Variants in RALGAPA1 observed in about 807,000 individuals in gnomAD.
RALGAPA1 encodes the protein Ral GTPase activating protein catalytic subunit alpha 1.
Under a neutral mutation model 269.6 loss-of-function variants are expected in RALGAPA1, and 52 were observed. That is an observed-to-expected ratio of 0.19 (90% CI 0.15 to 0.24). The LOEUF is 0.24. RALGAPA1 is among the 10% of genes least tolerant of loss of function. The pLI is 1.00. For missense variants in RALGAPA1, 1,917 were observed against 3,013.9 expected (o/e 0.64, Z 8.52); for synonymous variants, 817 against 1,008.3 (o/e 0.81, Z 3.60).
At chr14:35,571,036 C>T (rs1013002468) in intron 38 of RALGAPA1, among the ~76,000 whole-genome samples, 3 of 152,232 alleles carry the variant, frequency 2.0e-5, no homozygotes, top group Non-Finnish European at 4.4e-5. Context: ...CAATTGTATA[C>T]AAAAAGCCAA....
At chr14:35,740,373 G>T (rs1489472832) in intron 11 of RALGAPA1, among the ~76,000 whole-genome samples, 1 of 152,140 alleles carries the variant, frequency 6.6e-6, no homozygotes, top group African/African-American at 2.4e-5. Flanking sequence ...ATAAATAAAA[G>T]ATACCACTGG....
intron 7 of RALGAPA1, among the ~76,000 whole-genome samples, chr14:35,752,753 G>A (rs1342718563): frequency 6.6e-6 from 1 of 152,110 alleles, no homozygotes; most frequent in African/African-American, 2.4e-5. Flanking sequence ...GCCCAGAGTG[G>A]GGTACTGGAA....
intron 37 of RALGAPA1, among the ~76,000 whole-genome samples, chr14:35,576,849 A>C (rs2057597549): frequency 6.6e-6 from 1 of 152,002 alleles, no homozygotes; most frequent in Admixed American, 6.6e-5. Context: ...TACTGTAACC[A>C]CCTCCCTATA....
intron 24 of RALGAPA1, among the ~76,000 whole-genome samples, chr14:35,673,763 G>T (rs1166241466): frequency 1.3e-5 from 2 of 151,820 alleles, no homozygotes; most frequent in African/African-American, 4.8e-5. Flanking sequence ...TGTATTTTTA[G>T]TAGAGACAGG....
At chr14:35,547,366 A>G (rs893679869) in intron 41 of RALGAPA1, among the ~76,000 whole-genome samples, 1 of 152,142 alleles carries the variant, frequency 6.6e-6, no homozygotes, top group Non-Finnish European at 1.5e-5. Context: ...GCAGGATAAC[A>G]TGCAAAATAT....
intron 18 of RALGAPA1, among the ~76,000 whole-genome samples, chr14:35,687,947 T>C (rs751408941): frequency 6.6e-6 from 1 of 152,234 alleles, no homozygotes; most frequent in Non-Finnish European, 1.5e-5. Context: ...AACTATAATG[T>C]TGGTGCTGGC....
chr14:35,759,114 A>G (rs1342905618), intron 6 of RALGAPA1, among the ~76,000 whole-genome samples: 1 of 152,206 alleles, frequency 6.6e-6, no homozygotes, highest in East Asian at 1.9e-4. Flanking sequence ...AAACGCAACA[A>G]AACAAAAAAC....
intron 21 of RALGAPA1, among the ~76,000 whole-genome samples, chr14:35,679,776 G>GT (rs2065255681): frequency 6.6e-6 from 1 of 152,110 alleles, no homozygotes; most frequent in African/African-American, 2.4e-5. Flanking sequence ...TAGTAGCACA[G>GT]TAAGTAAGTG....
chr14:35,755,364 A>G (rs1194782953), intron 7 of RALGAPA1, among the ~76,000 whole-genome samples: 2 of 152,146 alleles, frequency 1.3e-5, no homozygotes, highest in African/African-American at 4.8e-5. Flanking sequence ...AACAAACAAA[A>G]AAACAAAGCA....
rs977752212 is a variant in RALGAPA1, at chr14:35,766,645, A to T, written c.326-3892T>A. ...GCAACCAGACGAGAAGGGTTCAATG[A>T]TTTTGTAAGAGGAAGAATTCTCTCA... On this transcript the variant is annotated intron_variant, in intron 4 of 41. Transcript: ENST00000680220. The T allele has an allele frequency of 3.2e-5, 23 of 709,560 alleles. No individual in the cohort carries two copies. In the East Asian group the frequency reaches 6.1e-4, roughly 19 times the overall value. The allele number at this position is 709,560 out of a possible 1,614,324, so 44.0% of individuals were successfully genotyped here. A position where few individuals can be genotyped will look rare whatever the true frequency, so the allele number is the denominator to read the frequency against.
At chr14:35,768,422 G>A (rs1190401530) in intron 4 of RALGAPA1, among the ~76,000 whole-genome samples, 1 of 152,126 alleles carries the variant, frequency 6.6e-6, no homozygotes, top group Non-Finnish European at 1.5e-5. Flanking sequence ...GAGTATGATG[G>A]CTCACACCTG....
chr14:35,738,716 G>T (rs1317417177), intron 11 of RALGAPA1, 66 bp from the exon 12 acceptor site: 1 of 1,334,106 alleles, frequency 7.5e-7, no homozygotes, highest in Non-Finnish European at 1.0e-6. Flanking sequence ...CAGTTAAGTT[G>T]AAAAGGTAAA....
intron 39 of RALGAPA1, among the ~76,000 whole-genome samples, chr14:35,550,005 T>C (rs2054834700): frequency 1.3e-5 from 2 of 152,232 alleles, no homozygotes; most frequent in Admixed American, 1.3e-4. Flanking sequence ...CACATTTTCT[T>C]CTCTGATATT....
chr14:35,620,000 G>T (rs2060507923), intron 35 of RALGAPA1, among the ~76,000 whole-genome samples: 1 of 152,106 alleles, frequency 6.6e-6, no homozygotes, highest in African/African-American at 2.4e-5. Flanking sequence ...GAAAAAGAGG[G>T]AATCCTCCCT....
At chr14:35,729,796 C>G (rs369055894) in intron 12 of RALGAPA1, among the ~76,000 whole-genome samples, 2 of 152,160 alleles carry the variant, frequency 1.3e-5, no homozygotes, top group East Asian at 3.9e-4. Context: ...CTTCCCCAGC[C>G]CCAAACTTTT....
chr14:35,678,173 C>A (rs2065122219), intron 21 of RALGAPA1, 71 bp from the exon 22 acceptor site: 3 of 1,426,736 alleles, frequency 2.1e-6, no homozygotes, highest in Admixed American at 5.2e-5. Context: ...ATGCTTAACA[C>A]CCTAAATAAA....
At chr14:35,702,726 AAT>A (rs1555409671) in intron 16 of RALGAPA1, among the ~76,000 whole-genome samples, 2 of 143,498 alleles carry the variant, frequency 1.4e-5, no homozygotes, top group Non-Finnish European at 3.0e-5. Context: ...AAAAAAAAAA[AAT>A]ATATATATAT....
intron 35 of RALGAPA1, among the ~76,000 whole-genome samples, chr14:35,613,891 A>G (rs1222806939): frequency 6.6e-6 from 1 of 152,210 alleles, no homozygotes; most frequent in Admixed American, 6.5e-5. Flanking sequence ...GAACATATAT[A>G]TAGTCAATTA....
At chr14:35,694,477 C>T (rs148811555) in intron 17 of RALGAPA1, among the ~76,000 whole-genome samples, 5 of 152,202 alleles carry the variant, frequency 3.3e-5, no homozygotes, top group African/African-American at 9.6e-5. Flanking sequence ...TATTAAAATT[C>T]TATCTTTTTA....
Sources: gnomAD v4.1 joint callset for allele counts (sites outside exome capture counted in the v4.1 genomes callset) on GRCh38, gnomAD v4.1.1 for gene constraint, MANE v1.5 for transcripts, NCBI Gene and HGNC (gene_info 2026-07-23, HGNC 2026-07-21) for gene names.